GREB1L: variants seen among roughly 807,000 people sequenced by gnomAD.
The protein encoded by GREB1L is GREB1-like protein.
A neutral mutation model predicts 200.8 loss-of-function variants in GREB1L; 17 were observed. That is an observed-to-expected ratio of 0.08 (90% CI 0.06 to 0.13). The LOEUF is 0.13. Among genes scored for constraint, GREB1L ranks in the 10% least tolerant of loss-of-function variants. The probability of loss-of-function intolerance (pLI) is 1.00; values close to 1 mark genes in which losing one functional copy is unlikely to be tolerated. For missense variants in GREB1L, 1,657 were observed against 2,367.7 expected (o/e 0.70, Z 6.23); for synonymous variants, 789 against 893.0 (o/e 0.88, Z 2.08).
At chr18:21,340,060 G>A (rs1235145446) in intron 1 of GREB1L, among the ~76,000 whole-genome samples, 1 of 152,158 alleles carries the variant, frequency 6.6e-6, no homozygotes, top group Non-Finnish European at 1.5e-5. Flanking sequence ...CCCACCCGCA[G>A]GATCTGATGC....
chr18:21,387,410 C>G (rs1018567698), intron 4 of GREB1L: 1 of 152,186 alleles, frequency 6.6e-6, no homozygotes, highest in Non-Finnish European at 1.5e-5. Flanking sequence ...ATCATTTGCT[C>G]TGGTTTTAGA....
chr18:21,410,850 G>A (rs753902495), intron 7 of GREB1L, among the ~76,000 whole-genome samples: 1 of 151,988 alleles, frequency 6.6e-6, no homozygotes, highest in Non-Finnish European at 1.5e-5. Flanking sequence ...TCACTCTTTG[G>A]GAGGCTGAGG....
intron 2 of GREB1L, among the ~76,000 whole-genome samples, chr18:21,368,405 G>A (rs2039751336): frequency 6.6e-6 from 1 of 152,152 alleles, no homozygotes; most frequent in Non-Finnish European, 1.5e-5. Context: ...TGGAAAGACA[G>A]GAGCAGATGA....
chr18:21,443,661 A>G (rs2034039286), intron 10 of GREB1L, among the ~76,000 whole-genome samples: 1 of 152,230 alleles, frequency 6.6e-6, no homozygotes, highest in Non-Finnish European at 1.5e-5. Context: ...TGTTCCTTCC[A>G]TGAGAAACAG....
At chr18:21,347,145 G>C (rs560984692) in intron 1 of GREB1L, among the ~76,000 whole-genome samples, 1 of 151,882 alleles carries the variant, frequency 6.6e-6, no homozygotes, top group Non-Finnish European at 1.5e-5. Context: ...GGGCGTGGTG[G>C]TGGGTGCCTG....
chr18:21,421,835 T>C (rs2032178367), intron 7 of GREB1L, among the ~76,000 whole-genome samples: 1 of 152,152 alleles, frequency 6.6e-6, no homozygotes, highest in African/African-American at 2.4e-5. Context: ...TTTTGGAAGA[T>C]TTTTTCCCCC....
At chr18:21,439,698 G>C in intron 8 of GREB1L, 61 bp downstream of exon 8, 2 of 1,050,864 alleles carry the variant, frequency 1.9e-6, no homozygotes, top group South Asian at 2.7e-5. Flanking sequence ...AAGTGCTCCA[G>C]ATTTTGTAAT....
intron 17 of GREB1L, 54 bp downstream of exon 17, chr18:21,477,410 G>T (rs2035745216): frequency 7.5e-7 from 1 of 1,331,572 alleles, no homozygotes; most frequent in Non-Finnish European, 1.0e-6. Flanking sequence ...TTCCCAAGAG[G>T]GTAGGACCTT....
In GREB1L at chr18:21,499,970, C is replaced by A. The variant is rs2036710542; in HGVS notation, c.3633C>A (p.Leu1211=). 1 of 1,551,392 alleles carries A rather than the reference C, an allele frequency of 6.4e-7. No homozygotes were observed. The highest frequency in any genetic ancestry group is 1.2e-5 in the South Asian group (1 of 84,064). The change falls in exon 22 of 33, where the codon CTC becomes CTA. Residue 1211 remains leucine, a synonymous_variant. Transcript: ENST00000424526. ...CATCATCCTCAGGACCCAGGACCCT[C>A]CCATGGCCGGGACAGCCCATCAGAG... ...PSSSSSGPRT[L]PWPGQPIRGC...
intron 7 of GREB1L, among the ~76,000 whole-genome samples, chr18:21,417,841 C>T (rs1358964935): frequency 6.6e-6 from 1 of 151,668 alleles, no homozygotes; most frequent in African/African-American, 2.4e-5. Context: ...ATTAGCCAGG[C>T]GGGGTGGCGG....
At chr18:21,357,501 C>T (rs1241539964) in intron 1 of GREB1L, among the ~76,000 whole-genome samples, 2 of 152,182 alleles carry the variant, frequency 1.3e-5, no homozygotes, top group Non-Finnish European at 2.9e-5. Flanking sequence ...TCTCATTTGT[C>T]TGTTTTTGCT....
At position 21,289,215 on chromosome 18, in the gene GREB1L, C is replaced by T. The variant is rs75662289; in HGVS notation, c.-120+46822C>T. On this transcript the variant is annotated intron_variant, in intron 1 of 32. Coordinates refer to ENST00000424526, the MANE Select transcript of GREB1L (RefSeq NM_001142966.3). Reference sequence around the variant, plus strand: ...CCTCTCTTTCCTTCTGTTTCCTAGACCTACAATGGTAAAAATTTACCAGAG... The same window carrying T: ...CCTCTCTTTCCTTCTGTTTCCTAGATCTACAATGGTAAAAATTTACCAGAG... 9.4e-3 allele frequency among the ~76,000 whole-genome samples: 1,436 copies of T among 152,188 alleles called. 10 individuals carry two copies. The highest frequency in any genetic ancestry group is 0.015 in the Non-Finnish European group (1,039 of 67,988).
At chr18:21,297,054 G>C (rs16940745) in intron 1 of GREB1L, among the ~76,000 whole-genome samples, 11,422 of 152,138 alleles carry the variant, frequency 0.075, 669 homozygotes, top group Admixed American at 0.14. Context: ...GTCTCTTTAC[G>C]TAGAATGTGG....
Position 21,245,352 on chromosome 18 carries a change from A to G in GREB1L, c.-120+2959A>G, listed in dbSNP as rs570940223. On this transcript the variant is annotated intron_variant, in intron 1 of 32. Transcript: ENST00000424526. The stretch of plus-strand genomic sequence containing the variant: ...AGGAATTGTTTGGGATCCTAAGAAT[A>G]AGAACTAGAAGAATATATTTGTAAG... Among the ~76,000 whole-genome samples the G allele has an allele frequency of 2.6e-5, 4 of 152,328 alleles. No homozygotes were observed. In the South Asian group the frequency reaches 8.3e-4, roughly 32 times the overall value.
chr18:21,402,955 G>A (rs572889073), intron 6 of GREB1L, among the ~76,000 whole-genome samples: 11 of 151,528 alleles, frequency 7.3e-5, no homozygotes, highest in African/African-American at 1.5e-4. Context: ...ACATATATGC[G>A]TATATTACCT....
At chr18:21,385,522 C>T (rs767423286) in intron 4 of GREB1L, among the ~76,000 whole-genome samples, 5 of 152,104 alleles carry the variant, frequency 3.3e-5, no homozygotes, top group Non-Finnish European at 5.9e-5. Flanking sequence ...CTCTTTGATT[C>T]GGCCCTGCCT....
At chr18:21,493,173 A>C (rs1171494367) in intron 19 of GREB1L, among the ~76,000 whole-genome samples, 12 of 152,150 alleles carry the variant, frequency 7.9e-5, no homozygotes, top group Admixed American at 7.2e-4. Flanking sequence ...TGTGCCTTCT[A>C]TCTCTACTTT....
At chr18:21,379,439 C>T (rs1435177848) in intron 2 of GREB1L, among the ~76,000 whole-genome samples, 1 of 152,146 alleles carries the variant, frequency 6.6e-6, no homozygotes. Context: ...CTCCTGACCT[C>T]AGGTGATCTG....
intron 7 of GREB1L, among the ~76,000 whole-genome samples, chr18:21,416,383 G>A (rs1281402757): frequency 6.6e-6 from 1 of 152,010 alleles, no homozygotes; most frequent in Non-Finnish European, 1.5e-5. Flanking sequence ...TCCCCCACAG[G>A]TTCCCAAACT....
Sources: allele counts gnomAD v4.1 joint callset (sites outside exome capture counted in the v4.1 genomes callset), GRCh38; gene constraint gnomAD v4.1.1; transcripts MANE v1.5; gene names NCBI Gene and HGNC (gene_info 2026-07-23, HGNC 2026-07-21).